SLC44A5: variants seen among roughly 807,000 people sequenced by gnomAD.
SLC44A5 encodes the protein solute carrier family 44 member 5, also known as choline transporter-like protein 5.
Under a neutral mutation model 101.8 loss-of-function variants are expected in SLC44A5, and 57 were observed. The observed-to-expected ratio is 0.56, with a 90% CI of 0.45 to 0.70. SLC44A5 has a LOEUF of 0.70. Among genes scored for constraint, SLC44A5 ranks in the 30% least tolerant of loss-of-function variants. The pLI is 0.00. For missense variants in SLC44A5, 737 were observed against 853.1 expected, an observed-to-expected ratio of 0.86 and a Z score of 1.70; for synonymous variants, 281 against 290.9, an observed-to-expected ratio of 0.97 and a Z score of 0.35.
chr1:75,392,775 G>C (rs1557737185), intron 3 of SLC44A5, among the ~76,000 whole-genome samples: 1 of 152,124 alleles, frequency 6.6e-6, no homozygotes, highest in Non-Finnish European at 1.5e-5. Flanking sequence ...ACAGTGGAAT[G>C]GATAAAGAAA....
chr1:75,619,081 G>GC, the SLC44A5 span, among the ~76,000 whole-genome samples: 67 of 19,672 alleles, frequency 3.4e-3, 1 homozygote, highest in East Asian at 0.065. Context: ...AAAAAAAAAG[G>GC]GGGGGGGGAA....
At chr1:75,436,789 GT>G (rs1367162217) in intron 2 of SLC44A5, among the ~76,000 whole-genome samples, 22 of 152,208 alleles carry the variant, frequency 1.4e-4, no homozygotes, top group Middle Eastern at 3.4e-3. Context: ...ACAATATACA[GT>G]TATAAAAAAA....
chr1:75,596,241 C>T (rs1179391724), intron 1 of SLC44A5, among the ~76,000 whole-genome samples: 2 of 151,298 alleles, frequency 1.3e-5, no homozygotes, highest in East Asian at 3.9e-4. Flanking sequence ...GTAATGTTCA[C>T]GAGAGAAAAT....
At chr1:75,600,018 A>C (rs1206007963) in intron 1 of SLC44A5, among the ~76,000 whole-genome samples, 1 of 152,210 alleles carries the variant, frequency 6.6e-6, no homozygotes, top group Non-Finnish European at 1.5e-5. Flanking sequence ...AGTAGAGTAA[A>C]AAATAAATTG....
At chr1:75,668,314 CCT>C in the SLC44A5 span, among the ~76,000 whole-genome samples, 1 of 63,234 alleles carries the variant, frequency 1.6e-5, no homozygotes, top group Non-Finnish European at 3.6e-5. Flanking sequence ...ATCCTAGGAG[CCT>C]TTTTTTTTTT....
At chr1:75,583,238 G>A (rs986804744) in intron 1 of SLC44A5, among the ~76,000 whole-genome samples, 1 of 152,014 alleles carries the variant, frequency 6.6e-6, no homozygotes, top group Non-Finnish European at 1.5e-5. Flanking sequence ...CTGAATCCTG[G>A]GAGATGGCAG....
At chr1:75,345,494 C>T (rs147141579) in intron 3 of SLC44A5, among the ~76,000 whole-genome samples, 2 of 152,176 alleles carry the variant, frequency 1.3e-5, no homozygotes, top group Middle Eastern at 3.4e-3. Context: ...TGTAAATTAC[C>T]CACATAACTA....
At position 75,218,520 on chromosome 1, in the gene SLC44A5, G is replaced by A; in HGVS notation, c.1499C>T (p.Pro500Leu). The change falls in exon 17 of 24, where the codon CCA becomes CTA. Residue 500 changes from proline (P) to leucine (L), a missense_variant. Coordinates refer to ENST00000370859, the MANE Select transcript of SLC44A5 (RefSeq NM_001130058.2). ...GGCTCGTCCAAATGCAGTAAAAAGT[G>A]GATATCGTGGGATGTCATCAGGTTT... The part of the protein sequence containing the change: ...MKKPDDIPRY[P>L]LFTAFGRAIR... The A allele has an allele frequency of 6.2e-7, 1 of 1,613,750 alleles. No individual in the cohort carries two copies. Among genetic ancestry groups the A allele is most frequent in the South Asian group, 1.1e-5 (1 of 91,074 alleles).
intron 2 of SLC44A5, among the ~76,000 whole-genome samples, chr1:75,401,060 C>T (rs1662446356): frequency 6.6e-6 from 1 of 152,164 alleles, no homozygotes; most frequent in African/African-American, 2.4e-5. Flanking sequence ...CCTCATTCTA[C>T]TCACTGGCTT....
At chr1:75,386,516 G>A (rs200715820) in intron 3 of SLC44A5, among the ~76,000 whole-genome samples, 5 of 152,074 alleles carry the variant, frequency 3.3e-5, no homozygotes, top group Admixed American at 6.6e-5. Flanking sequence ...TGTGAAGGAC[G>A]TCTTCAAGGA....
chr1:75,236,660 A>C (rs1188597799), intron 11 of SLC44A5, among the ~76,000 whole-genome samples: 1 of 152,106 alleles, frequency 6.6e-6, no homozygotes, highest in African/African-American at 2.4e-5. Context: ...TGTGATGAGA[A>C]GCACACGAGT....
At chr1:75,697,637 T>C in the SLC44A5 span, among the ~76,000 whole-genome samples, 1 of 151,704 alleles carries the variant, frequency 6.6e-6, no homozygotes, top group Admixed American at 6.6e-5. Context: ...ATACAAAAAT[T>C]AGGGGGAGAA....
intron 4 of SLC44A5, 96 bp from the exon 5 acceptor site, chr1:75,300,781 G>A: frequency 1.5e-6 from 1 of 670,156 alleles, no homozygotes; most frequent in African/African-American, 1.9e-5. Flanking sequence ...GATAGTAATA[G>A]TGAGATGTTA....
intron 2 of SLC44A5, among the ~76,000 whole-genome samples, chr1:75,417,765 C>T (rs1326325220): frequency 6.6e-6 from 1 of 152,104 alleles, no homozygotes; most frequent in Non-Finnish European, 1.5e-5. Flanking sequence ...AGAGTTCTAA[C>T]AAGAAGGGCA....
chr1:75,388,734 G>A lies in SLC44A5; in HGVS notation c.52+7849C>T, dbSNP rs112628538. On this transcript the variant is annotated intron_variant, in intron 3 of 23. Coordinates refer to ENST00000370859, the MANE Select transcript of SLC44A5 (RefSeq NM_001130058.2). The stretch of plus-strand genomic sequence containing the variant: ...GCAGAGCTTGCAGTGAGCCGAGATC[G>A]CTCCACTGCACTCCAGCCTGGGCAA... Among the ~76,000 whole-genome samples, 663 of 151,048 alleles carry A rather than the reference G, an allele frequency of 4.4e-3. 7 individuals are homozygous for A. Among genetic ancestry groups the A allele is most frequent in the African/African-American group, 0.016 (639 of 41,144 alleles).
At chr1:75,598,671 G>A (rs1674793811) in intron 1 of SLC44A5, among the ~76,000 whole-genome samples, 1 of 152,150 alleles carries the variant, frequency 6.6e-6, no homozygotes, top group Non-Finnish European at 1.5e-5. Context: ...AACTAACACA[G>A]GGACAGAAAA....
the SLC44A5 span, among the ~76,000 whole-genome samples, chr1:75,723,485 A>G: frequency 5.3e-5 from 8 of 152,170 alleles, no homozygotes; most frequent in Non-Finnish European, 7.3e-5. Context: ...TGAGGGCTCC[A>G]TCTTCGCTTC....
chr1:75,557,044 T>C (rs1672258614), intron 1 of SLC44A5, among the ~76,000 whole-genome samples: 1 of 152,130 alleles, frequency 6.6e-6, no homozygotes, highest in South Asian at 2.1e-4. Context: ...TGGCCAGAAC[T>C]GTGTTACATG....
chr1:75,211,923 T>C (rs879351726), intron 22 of SLC44A5, among the ~76,000 whole-genome samples: 1 of 151,234 alleles, frequency 6.6e-6, no homozygotes, highest in Non-Finnish European at 1.5e-5. Context: ...TCTTCCTTTC[T>C]TCTTTCTTTC....
Sources: gnomAD v4.1 joint callset for allele counts (sites outside exome capture counted in the v4.1 genomes callset) on GRCh38, gnomAD v4.1.1 for gene constraint, MANE v1.5 for transcripts, NCBI Gene and HGNC (gene_info 2026-07-23, HGNC 2026-07-21) for gene names.